Variants in XXYLT1 observed in about 807,000 individuals in gnomAD.
The protein encoded by XXYLT1 is xyloside xylosyltransferase 1, also known as UDP-xylose:alpha-xyloside alpha-1,3-xylosyltransferase.
XXYLT1 carries 20 observed loss-of-function variants against 28.9 expected under a neutral mutation model. That is an observed-to-expected ratio of 0.69 (90% CI 0.49 to 1.00). XXYLT1 has a LOEUF of 1.00. XXYLT1 is among the 50% of genes least tolerant of loss of function. The pLI is 0.00. For missense variants in XXYLT1, 542 were observed against 560.1 expected (o/e 0.97, Z 0.33); for synonymous variants, 257 against 253.8 (o/e 1.01, Z -0.12).
rs533259654 is a variant in XXYLT1 at position 195,163,316 on chromosome 3, T to C, written c.653-6735A>G. Among the ~76,000 whole-genome samples, 65 of 152,338 alleles carry C rather than the reference T, an allele frequency of 4.3e-4. No individual in the cohort carries two copies. In the Middle Eastern group the frequency reaches 0.017, roughly 40 times the overall value. ...TCACCTTCCAACCACTCTCTCCCTC[T>C]TGAGTGGCATTTGAGCCCATGCCAC... On this transcript the variant is annotated intron_variant, in intron 2 of 3. Transcript: ENST00000310380.
intron 2 of XXYLT1, among the ~76,000 whole-genome samples, chr3:195,194,150 G>A (rs776539218): frequency 1.3e-4 from 20 of 151,552 alleles, no homozygotes; most frequent in Non-Finnish European, 2.5e-4. Context: ...TTTGTAAATC[G>A]TATATCTTAT....
chr3:195,107,294 C>T (rs151316285), intron 3 of XXYLT1, among the ~76,000 whole-genome samples: 4,616 of 151,100 alleles, frequency 0.031, 197 homozygotes, highest in African/African-American at 0.11. Context: ...ACCAAGATGG[C>T]GAAACCTCGC....
chr3:195,265,520 C>T (rs1486609487), intron 1 of XXYLT1, among the ~76,000 whole-genome samples: 2 of 152,188 alleles, frequency 1.3e-5, no homozygotes, highest in Non-Finnish European at 2.9e-5. Context: ...AGCAATATTG[C>T]TGTGCTCCAT....
At chr3:195,131,249 G>A (rs978492516) in intron 3 of XXYLT1, among the ~76,000 whole-genome samples, 3 of 152,152 alleles carry the variant, frequency 2.0e-5, no homozygotes, top group African/African-American at 2.4e-5. Context: ...CCCTCTTTCC[G>A]TCTCCCCATT....
In XXYLT1 at chr3:195,180,498, CT is replaced by C; in HGVS notation, c.653-23918del. On this transcript the variant is annotated intron_variant, in intron 2 of 3. Transcript: ENST00000310380. This position sits in a 1 kb window ranked among gnomAD's most constrained non-coding sequence, Gnocchi z 5.8. Reference sequence around the variant, plus strand: ...TGTTCCTTTTTCTTTCTATGCTCCTCTTCCTGGCTCTGTAGCCCTTGAAAAG... The same window carrying C: ...TGTTCCTTTTTCTTTCTATGCTCCTCTCCTGGCTCTGTAGCCCTTGAAAAG... 1 of 985,528 alleles carries C rather than the reference CT, an allele frequency of 1.0e-6. No homozygotes were observed. Among genetic ancestry groups the C allele is most frequent in the Non-Finnish European group, 1.2e-6 (1 of 829,988 alleles). The allele number at this position is 985,528 out of a possible 1,614,324, so 61.0% of individuals were successfully genotyped here.
chr3:195,157,242 CAAAAAA>C (rs34312884), intron 2 of XXYLT1, among the ~76,000 whole-genome samples: 212 of 73,822 alleles, frequency 2.9e-3, no homozygotes, highest in Non-Finnish European at 4.3e-3. Flanking sequence ...GGCGCCATCT[CAAAAAA>C]AAAAAAAAAA....
At chr3:195,120,645 C>T (rs189555133) in intron 3 of XXYLT1, among the ~76,000 whole-genome samples, 1 of 152,322 alleles carries the variant, frequency 6.6e-6, no homozygotes, top group African/African-American at 2.4e-5. Context: ...CTGCAGTGTT[C>T]TCCTCGGATG....
chr3:195,223,006 G>GT (rs953100907), intron 2 of XXYLT1, among the ~76,000 whole-genome samples: 1 of 151,732 alleles, frequency 6.6e-6, no homozygotes, highest in African/African-American at 2.4e-5. Context: ...GGCAGATCAC[G>GT]TAAGGTCAGG....
intron 3 of XXYLT1, among the ~76,000 whole-genome samples, chr3:195,109,545 G>A (rs1717350338): frequency 1.1e-5 from 1 of 89,550 alleles, no homozygotes; most frequent in East Asian, 2.3e-4. Context: ...ACATGTGTAG[G>A]GGGTGTGTGT....
chr3:195,077,544 C>T lies in XXYLT1; in HGVS notation c.786-7433G>A, dbSNP rs1489050322. ...GTCCACCCAGCCAGCCTCCTGGAGT[C>T]TGGAATGATAAAGGTGACCCATAGT... is the stretch of plus-strand genomic sequence containing the variant. On this transcript the variant is annotated intron_variant, in intron 3 of 3. Transcript: ENST00000310380. The surrounding 1 kb of genome is among the most constrained non-coding windows in gnomAD (Gnocchi z 4.8). Among the ~76,000 whole-genome samples, 3 of 152,200 alleles carry T rather than the reference C, an allele frequency of 2.0e-5. No individual in the cohort carries two copies. Among genetic ancestry groups the T allele is most frequent in the African/African-American group, 4.8e-5 (2 of 41,464 alleles).
At chr3:195,089,712 A>G (rs545187480) in intron 3 of XXYLT1, among the ~76,000 whole-genome samples, 1 of 151,858 alleles carries the variant, frequency 6.6e-6, no homozygotes, top group African/African-American at 2.4e-5. Flanking sequence ...AAATGCTCCA[A>G]TTAAAAGACA....
chr3:195,154,227 G>T (rs1454992157), intron 3 of XXYLT1: 1 of 152,182 alleles, frequency 6.6e-6, no homozygotes, highest in East Asian at 1.9e-4. Context: ...GGGAAAGGGA[G>T]GGTCCCAGTA....
At chr3:195,148,162 T>C (rs1719970609) in intron 3 of XXYLT1, 1 of 152,056 alleles carries the variant, frequency 6.6e-6, no homozygotes, top group Non-Finnish European at 1.5e-5. Context: ...CTGTACAGAG[T>C]TTTCCTTTTA....
rs1303505379 is a variant in XXYLT1, at chr3:195,124,918, G to C, written c.785+31531C>G. 6.6e-6 allele frequency among the ~76,000 whole-genome samples: 1 copy of C among 152,202 alleles called. No individual in the cohort carries two copies. Among genetic ancestry groups the C allele is most frequent in the Non-Finnish European group, 1.5e-5 (1 of 68,042 alleles). ...TTCTATCAGGCTGCGGGTGCACAAG[G>C]CTGTCCCGGGTTATTTGAAGGACAG... On this transcript the variant is annotated intron_variant, in intron 3 of 3. Coordinates refer to ENST00000310380, the MANE Select transcript of XXYLT1 (RefSeq NM_152531.5). This position sits in a 1 kb window ranked among gnomAD's most constrained non-coding sequence, Gnocchi z 4.1.
chr3:195,084,025 C>T (rs1343988248), intron 3 of XXYLT1, among the ~76,000 whole-genome samples: 4 of 150,674 alleles, frequency 2.7e-5, no homozygotes, highest in East Asian at 1.9e-4. Context: ...GAAAATCGGT[C>T]TCAAAAAAAA....
chr3:195,193,070 A>T (rs1394489198), intron 2 of XXYLT1, among the ~76,000 whole-genome samples: 1 of 152,098 alleles, frequency 6.6e-6, no homozygotes, highest in Non-Finnish European at 1.5e-5. Flanking sequence ...CAGATCACCT[A>T]AAGTCAGAAG....
chr3:195,201,131 C>G (rs1166563590), intron 2 of XXYLT1, among the ~76,000 whole-genome samples: 1 of 152,232 alleles, frequency 6.6e-6, no homozygotes, highest in Non-Finnish European at 1.5e-5. Context: ...GATCCATCAT[C>G]TTGTTCAGAG....
chr3:195,174,345 C>A (rs1203990417), intron 2 of XXYLT1, among the ~76,000 whole-genome samples: 1 of 151,212 alleles, frequency 6.6e-6, no homozygotes, highest in African/African-American at 2.4e-5. Flanking sequence ...GCAATTATAC[C>A]TTTTTTTTTC....
intron 3 of XXYLT1, among the ~76,000 whole-genome samples, chr3:195,131,246 TC>T (rs1224152939): frequency 6.6e-6 from 1 of 152,180 alleles, no homozygotes; most frequent in Non-Finnish European, 1.5e-5. Context: ...CCACCCTCTT[TC>T]CGTCTCCCCA....
Sources: allele counts gnomAD v4.1 joint callset (sites outside exome capture counted in the v4.1 genomes callset), GRCh38; gene constraint gnomAD v4.1.1; non-coding constraint Gnocchi (gnomAD v3.1); transcripts MANE v1.5; gene names NCBI Gene and HGNC (gene_info 2026-07-23, HGNC 2026-07-21).